Variants in ROBO2 observed in about 807,000 individuals in gnomAD.
ROBO2 encodes the protein roundabout homolog 2.
A neutral mutation model predicts 160.8 loss-of-function variants in ROBO2; 53 were observed. That is an observed-to-expected ratio of 0.33 (90% CI 0.26 to 0.41). ROBO2 has a LOEUF of 0.41. Ranked by LOEUF, ROBO2 falls within the 10% of genes least tolerant of loss-of-function variation. ROBO2 has a pLI of 1.00. For synonymous variants in ROBO2, 664 were observed against 611.7 expected (o/e 1.09, Z -1.26); for missense variants, 1,577 against 1,722.4 (o/e 0.92, Z 1.49).
At chr3:76,870,635 G>A (rs761499346) in intron 2 of ROBO2, among the ~76,000 whole-genome samples, 6 of 152,094 alleles carry the variant, frequency 3.9e-5, no homozygotes, top group Non-Finnish European at 8.8e-5. Flanking sequence ...GAGAGAGTAC[G>A]GCATTTGGTA....
intron 2 of ROBO2, among the ~76,000 whole-genome samples, chr3:76,678,884 G>A (rs1279164914): frequency 6.6e-6 from 1 of 152,134 alleles, no homozygotes; most frequent in Non-Finnish European, 1.5e-5. Flanking sequence ...TATTATTCAT[G>A]AGAGCCCTTA....
chr3:77,552,884 A>G (rs941470148), intron 8 of ROBO2, among the ~76,000 whole-genome samples: 3 of 151,990 alleles, frequency 2.0e-5, no homozygotes, highest in Admixed American at 6.6e-5. Flanking sequence ...ATTTAATACT[A>G]TCTGAGCCAT....
rs1433262362 is a variant in ROBO2, at chr3:76,149,695, C to T, written c.109+212093C>T. Among the ~76,000 whole-genome samples the T allele has an allele frequency of 3.9e-5, 5 of 126,668 alleles. 2 individuals are homozygous for T. The East Asian group carries it at 1.1e-3, about 27-fold the overall frequency. The allele number at this position is 126,668 out of a possible 152,430, so 83.1% of individuals were successfully genotyped here. ...ACACACATCATCTGTCTAAAACACA[C>T]ATCTGTTTAAAGCACAATCTGTCTA... On this transcript the variant is annotated intron_variant, in intron 2 of 26. Coordinates refer to the ROBO2 transcript ENST00000487694.
chr3:75,913,630 T>A (rs561969238), intron 1 of ROBO2, among the ~76,000 whole-genome samples: 1 of 152,240 alleles, frequency 6.6e-6, no homozygotes, highest in South Asian at 2.1e-4. Context: ...GTATTTGCAC[T>A]GCTGGGGTCA....
chr3:76,420,060 A>C (rs1415364939), intron 2 of ROBO2, among the ~76,000 whole-genome samples: 1 of 152,202 alleles, frequency 6.6e-6, no homozygotes, highest in Non-Finnish European at 1.5e-5. Context: ...TAATTGCTTA[A>C]GATACTGCTT....
intron 2 of ROBO2, among the ~76,000 whole-genome samples, chr3:77,390,456 AGT>A (rs1346839472): frequency 6.6e-6 from 1 of 152,098 alleles, no homozygotes; most frequent in Non-Finnish European, 1.5e-5. Flanking sequence ...CTCTTGTGAT[AGT>A]GAATAAGTCT....
At chr3:77,209,635 G>C (rs1232676597) in intron 2 of ROBO2, among the ~76,000 whole-genome samples, 2 of 151,610 alleles carry the variant, frequency 1.3e-5, no homozygotes, top group Admixed American at 1.3e-4. Flanking sequence ...AAGGACACTC[G>C]TTTGAGATTT....
At chr3:77,414,079 C>T (rs1038681531) in intron 2 of ROBO2, among the ~76,000 whole-genome samples, 1 of 151,482 alleles carries the variant, frequency 6.6e-6, no homozygotes, top group African/African-American at 2.4e-5. Flanking sequence ...GAGGACCCAG[C>T]AGAGGAGACT....
chr3:77,316,264 T>C (rs1329543011), intron 2 of ROBO2, among the ~76,000 whole-genome samples: 33 of 152,052 alleles, frequency 2.2e-4, no homozygotes, highest in Non-Finnish European at 5.9e-5. Flanking sequence ...TGCAGACCAT[T>C]TGGTGTAAAA....
intron 2 of ROBO2, among the ~76,000 whole-genome samples, chr3:76,923,471 C>G (rs1162847383): frequency 2.0e-5 from 3 of 152,116 alleles, no homozygotes; most frequent in African/African-American, 7.2e-5. Flanking sequence ...TTGTTATTAG[C>G]AAAATAGAGT....
chr3:77,156,847 G>A (rs2078056381), intron 2 of ROBO2, among the ~76,000 whole-genome samples: 1 of 151,148 alleles, frequency 6.6e-6, no homozygotes, highest in South Asian at 2.1e-4. Context: ...TATTAAAAAG[G>A]CAAGAATTTG....
chr3:76,336,580 T>G (rs2073904768), intron 2 of ROBO2, among the ~76,000 whole-genome samples: 1 of 152,208 alleles, frequency 6.6e-6, no homozygotes, highest in African/African-American at 2.4e-5. Flanking sequence ...TTCTGCTACT[T>G]TCTTTAAATT....
chr3:76,061,169 C>G lies in ROBO2; in HGVS notation c.109+123567C>G, dbSNP rs77716790. Among the ~76,000 whole-genome samples, 1,064 of 152,278 alleles carry G rather than the reference C, an allele frequency of 7.0e-3. 63 individuals carry two copies. The East Asian group carries it at 0.15, about 22-fold the overall frequency. ...TCTCAGCAACAAGTTAGTTTCATGT[C>G]AAAGTTTAAGAAAAATGTAGTTATC... On this transcript the variant is annotated intron_variant, in intron 2 of 26. Transcript: ENST00000487694.
At chr3:76,273,479 G>A (rs1440840095) in intron 2 of ROBO2, among the ~76,000 whole-genome samples, 1 of 152,140 alleles carries the variant, frequency 6.6e-6, no homozygotes, top group South Asian at 2.1e-4. Flanking sequence ...AAGAAAAGAG[G>A]TTTAATTGAC....
At chr3:76,805,753 A>G (rs1337166738) in intron 2 of ROBO2, among the ~76,000 whole-genome samples, 1 of 151,470 alleles carries the variant, frequency 6.6e-6, no homozygotes, top group African/African-American at 2.4e-5. Flanking sequence ...CAACCTTCAC[A>G]TCTTACAGAC....
chr3:77,317,274 A>T (rs1581005944), intron 2 of ROBO2: 3 of 691,160 alleles, frequency 4.3e-6, no homozygotes, highest in Non-Finnish European at 7.7e-6. Context: ...TGATTTTAGC[A>T]TTTTTTTTTT....
intron 2 of ROBO2, among the ~76,000 whole-genome samples, chr3:76,884,669 C>T (rs1211822762): frequency 1.3e-5 from 2 of 152,052 alleles, no homozygotes; most frequent in Admixed American, 6.5e-5. Context: ...TTACTAGAAG[C>T]CTAGAGCTGT....
chr3:77,541,039 C>A (rs1238570810), intron 6 of ROBO2, among the ~76,000 whole-genome samples: 2 of 151,346 alleles, frequency 1.3e-5, no homozygotes, highest in Admixed American at 1.3e-4. Flanking sequence ...TATGAAATAG[C>A]AAAAAAAATT....
At chr3:76,582,491 T>C (rs1046424901) in intron 2 of ROBO2, among the ~76,000 whole-genome samples, 3 of 152,180 alleles carry the variant, frequency 2.0e-5, no homozygotes, top group Admixed American at 2.0e-4. Context: ...TAGATTATGA[T>C]GTTACTTGTA....
Sources: allele counts gnomAD v4.1 joint callset (sites outside exome capture counted in the v4.1 genomes callset), GRCh38; gene constraint gnomAD v4.1.1; transcripts MANE v1.5; gene names NCBI Gene and HGNC (gene_info 2026-07-23, HGNC 2026-07-21).